The following RIPOR2 variants were observed in gnomAD, a reference collection of about 807,000 sequenced individuals.
RIPOR2 encodes RHO family interacting cell polarization regulator 2.
In RIPOR2, 39 loss-of-function variants were observed where a neutral mutation model predicts 114.5. The ratio of observed to expected loss-of-function variants is 0.34; its 90% CI spans 0.26 to 0.44. The LOEUF is 0.44. Among genes scored for constraint, RIPOR2 ranks in the 20% least tolerant of loss-of-function variants. The probability of loss-of-function intolerance (pLI) is 1.00; values close to 1 mark genes in which losing one functional copy is unlikely to be tolerated. For synonymous variants in RIPOR2, 445 were observed against 484.4 expected (o/e 0.92, Z 1.07); for missense variants, 1,007 against 1,255.1 (o/e 0.80, Z 2.99).
chr6:24,822,206 G>A (rs995074063), intron 19 of RIPOR2, among the ~76,000 whole-genome samples: 1 of 152,204 alleles, frequency 6.6e-6, no homozygotes. Flanking sequence ...GGCTGGCCCT[G>A]GAGGTCAGAA....
At chr6:24,809,276 A>G (rs1397820769) in intron 21 of RIPOR2, among the ~76,000 whole-genome samples, 2 of 152,302 alleles carry the variant, frequency 1.3e-5, no homozygotes, top group East Asian at 3.9e-4. Context: ...TCAGAGGTTA[A>G]CCTGGGAGTC....
intron 1 of RIPOR2, among the ~76,000 whole-genome samples, chr6:25,022,615 T>C (rs939618763): frequency 7.4e-6 from 1 of 134,802 alleles, no homozygotes; most frequent in Non-Finnish European, 1.5e-5. Flanking sequence ...GTTGTGTTCA[T>C]GGCTCACTGC....
rs957769401 is a variant in RIPOR2 at position 24,992,034 on chromosome 6, A to AG, written c.76+49816dup. On this transcript the variant is annotated intron_variant, in intron 1 of 13. Transcript: ENST00000510784. ...CTTTGACTCTTGACACCAAAGCCCT[A>AG]GGGGGCAAGACAGGGAGCCTGACAC... 3.3e-5 allele frequency among the ~76,000 whole-genome samples: 5 copies of AG among 152,200 alleles called. 1 individual carries two copies. The highest frequency in any genetic ancestry group is 3.3e-4 in the Admixed American group (5 of 15,280).
In RIPOR2 at chr6:24,804,633, A is replaced by G. The variant is rs1048616142; in HGVS notation, c.*1740T>C. The G allele has an allele frequency of 6.6e-6, 1 of 152,222 alleles. No homozygotes were observed. Among genetic ancestry groups the G allele is most frequent in the Non-Finnish European group, 1.5e-5 (1 of 68,040 alleles). The allele number at this position is 152,222 out of a possible 1,614,324, so 9.4% of individuals were successfully genotyped here. A position where few individuals can be genotyped will look rare whatever the true frequency, so the allele number is the denominator to read the frequency against. The stretch of plus-strand genomic sequence containing the variant: ...TTATAAATATACAGATATGTACACG[A>G]TAAGTTCACAGTTGAAAGAACCATT... On this transcript the variant is annotated 3_prime_UTR_variant, in exon 22 of 22. Coordinates refer to ENST00000643898, the MANE Select transcript of RIPOR2 (RefSeq NM_001286445.3).
chr6:24,862,804 A>C (rs1581635760), intron 7 of RIPOR2, among the ~76,000 whole-genome samples: 1 of 130,864 alleles, frequency 7.6e-6, no homozygotes, highest in African/African-American at 2.8e-5. Context: ...GACCACTGGC[A>C]CCCCCCCACC....
intron 1 of RIPOR2, among the ~76,000 whole-genome samples, chr6:24,894,409 T>C (rs1317606102): frequency 6.6e-6 from 1 of 152,230 alleles, no homozygotes; most frequent in Non-Finnish European, 1.5e-5. Context: ...GAACTGGAAC[T>C]GGAATGAGGG....
intron 1 of RIPOR2, among the ~76,000 whole-genome samples, chr6:25,033,263 G>GAT (rs1777084951): frequency 6.6e-6 from 1 of 152,104 alleles, no homozygotes; most frequent in African/African-American, 2.4e-5. Context: ...TTAAAAAATG[G>GAT]ATATTTAACT....
intron 1 of RIPOR2, among the ~76,000 whole-genome samples, chr6:25,011,211 A>C (rs1322932813): frequency 1.3e-5 from 2 of 152,234 alleles, no homozygotes; most frequent in East Asian, 3.8e-4. Flanking sequence ...ATATTTTATA[A>C]ATTTTATAAA....
Position 24,858,127 on chromosome 6 carries a change from T to A in RIPOR2, c.715+2846A>T, listed in dbSNP as rs960724120. On this transcript the variant is annotated intron_variant, in intron 8 of 21. Transcript: ENST00000643898. The surrounding 1 kb of genome is among the most constrained non-coding windows in gnomAD (Gnocchi z 4.0). The stretch of plus-strand genomic sequence containing the variant: ...CTCCCCTCCTGCTTTTGCAGCAAAC[T>A]GGGTCACACTGTTGTTCAGGTGGTC... Among the ~76,000 whole-genome samples, 1 of 152,150 alleles carries A rather than the reference T, an allele frequency of 6.6e-6. No individual in the cohort carries two copies.
rs142118134 is a variant in RIPOR2 at position 24,969,038 on chromosome 6, C to T, written c.76+72813G>A. Reference sequence around the variant, plus strand: ...AACCACCTTCCCATCATTAGACAAGCGATATAAAGTGCTTGTGAAAAAGCC... The same window carrying T: ...AACCACCTTCCCATCATTAGACAAGTGATATAAAGTGCTTGTGAAAAAGCC... On this transcript the variant is annotated intron_variant, in intron 1 of 13. Coordinates refer to the RIPOR2 transcript ENST00000510784. Among the ~76,000 whole-genome samples, 69 of 152,238 alleles carry T rather than the reference C, an allele frequency of 4.5e-4. 1 individual carries two copies. The highest frequency in any genetic ancestry group is 1.6e-3 in the African/African-American group (65 of 41,548).
chr6:24,865,066 G>T (rs755035759), intron 7 of RIPOR2, among the ~76,000 whole-genome samples: 1 of 152,186 alleles, frequency 6.6e-6, no homozygotes, highest in Middle Eastern at 3.2e-3. Context: ...TCTTGCCTCA[G>T]CCTCTTGAAT....
chr6:25,013,032 T>G (rs952442759), intron 1 of RIPOR2, among the ~76,000 whole-genome samples: 2 of 151,890 alleles, frequency 1.3e-5, no homozygotes, highest in East Asian at 3.8e-4. Context: ...GGTTTTTTTT[T>G]TTTTCCTTTT....
At chr6:25,042,057 T>G, upstream of RIPOR2, 3 of 437,422 alleles carry the variant, frequency 6.9e-6, no homozygotes, top group Non-Finnish European at 7.5e-6. Context: ...TGTTCTTTTC[T>G]TAAAAAAAAA....
intron 19 of RIPOR2, among the ~76,000 whole-genome samples, chr6:24,819,053 T>A (rs1239389685): frequency 6.6e-6 from 1 of 151,992 alleles, no homozygotes; most frequent in Non-Finnish European, 1.5e-5. Context: ...CTGCCCCTTG[T>A]CTCATGTGTC....
intron 8 of RIPOR2, among the ~76,000 whole-genome samples, chr6:24,856,361 T>TA (rs1467744045): frequency 6.6e-6 from 1 of 152,216 alleles, no homozygotes; most frequent in East Asian, 1.9e-4. Context: ...TAGTTAGTCT[T>TA]TAAAAAAAAT....
intron 1 of RIPOR2, among the ~76,000 whole-genome samples, chr6:24,961,813 G>A (rs1351026832): frequency 6.6e-6 from 1 of 151,982 alleles, no homozygotes; most frequent in African/African-American, 2.4e-5. Context: ...TTTTAGTAGA[G>A]ATGGGGTTTT....
chr6:24,857,528 G>A (rs116049894), intron 8 of RIPOR2, among the ~76,000 whole-genome samples: 1,767 of 152,152 alleles, frequency 0.012, 26 homozygotes, highest in African/African-American at 0.036. Context: ...ACACCATTCT[G>A]CCAGAAGAAC....
At chr6:24,891,040 T>C (rs550825864) in intron 1 of RIPOR2, among the ~76,000 whole-genome samples, 15 of 152,096 alleles carry the variant, frequency 9.9e-5, no homozygotes, top group Non-Finnish European at 1.9e-4. Context: ...AAAGTATAGC[T>C]GATGAAAAAA....
At chr6:24,842,147 G>A (rs1761779211) in intron 13 of RIPOR2, among the ~76,000 whole-genome samples, 1 of 152,160 alleles carries the variant, frequency 6.6e-6, no homozygotes, top group East Asian at 1.9e-4. Context: ...CTGTCTTCTT[G>A]TGCAGTGTTT....
Sources: allele counts gnomAD v4.1 joint callset (sites outside exome capture counted in the v4.1 genomes callset), GRCh38; gene constraint gnomAD v4.1.1; non-coding constraint Gnocchi (gnomAD v3.1); transcripts MANE v1.5; gene names NCBI Gene and HGNC (gene_info 2026-07-23, HGNC 2026-07-21).